Variants in SLC36A2 observed in about 807,000 individuals in gnomAD.
SLC36A2 encodes proton-coupled amino acid transporter 2.
A neutral mutation model predicts 42.7 loss-of-function variants in SLC36A2; 39 were observed. That is an observed-to-expected ratio of 0.91 (90% CI 0.71 to 1.19). The LOEUF (loss-of-function observed/expected upper bound fraction) is 1.19, where lower values mean the gene tolerates loss of function less well. SLC36A2 is among the 50% of genes most tolerant of loss of function. The pLI, the probability that SLC36A2 is intolerant of heterozygous loss-of-function variation, is 0.00. For missense variants in SLC36A2, 590 were observed against 613.7 expected (o/e 0.96, Z 0.41); for synonymous variants, 237 against 240.8 (o/e 0.98, Z 0.15).
intron 4 of SLC36A2, 80 bp downstream of exon 4, chr5:151,342,808 C>G (rs867160437): frequency 4.0e-6 from 5 of 1,241,464 alleles, no homozygotes; most frequent in African/African-American, 3.0e-5. Flanking sequence ...AACCACCTTT[C>G]CAGGGAAGAA....
At chr5:151,335,739 G>T (rs550434531) in intron 5 of SLC36A2, among the ~76,000 whole-genome samples, 192 bp from the exon 6 acceptor site, 1 of 152,124 alleles carries the variant, frequency 6.6e-6, no homozygotes, top group African/African-American at 2.4e-5. Context: ...CTCAGAAGAG[G>T]CTGTACATGC....
intron 1 of SLC36A2, among the ~76,000 whole-genome samples, chr5:151,345,517 C>T (rs1489002891): frequency 6.6e-6 from 1 of 152,132 alleles, no homozygotes; most frequent in African/African-American, 2.4e-5. Context: ...AGTCTCTGTA[C>T]ATAGATTCAT....
At chr5:151,336,350 A>G (rs1003760430) in intron 5 of SLC36A2, among the ~76,000 whole-genome samples, 4 of 151,376 alleles carry the variant, frequency 2.6e-5, no homozygotes, top group Non-Finnish European at 5.9e-5. Context: ...TCTTCCATCT[A>G]TATCCTCCTC....
chr5:151,329,487 A>T (rs1325198738), intron 7 of SLC36A2, among the ~76,000 whole-genome samples: 1 of 152,254 alleles, frequency 6.6e-6, no homozygotes, highest in Non-Finnish European at 1.5e-5. Context: ...AGATGACTCA[A>T]ATGTTGGCAA....
chr5:151,324,306 CTTATTTATTTATTTATTTAT>C (rs58169831), intron 8 of SLC36A2, among the ~76,000 whole-genome samples: 44 of 140,820 alleles, frequency 3.1e-4, no homozygotes, highest in African/African-American at 9.2e-4. Context: ...CCATGCCTGG[CTTATTTATTTATTTATTTAT>C]TTATTTATTT....
intron 7 of SLC36A2, among the ~76,000 whole-genome samples, chr5:151,330,702 G>T (rs1384100833): frequency 1.3e-5 from 2 of 152,174 alleles, no homozygotes; most frequent in African/African-American, 2.4e-5. Flanking sequence ...ACTATTGAAA[G>T]CAAAGATGAT....
At position 151,328,675 on chromosome 5, in the gene SLC36A2, A is replaced by G. The variant is rs143096443; in HGVS notation, c.844-3223T>C. Among the ~76,000 whole-genome samples, 45 of 152,332 alleles carry G rather than the reference A, an allele frequency of 3.0e-4. No individual in the cohort carries two copies. The South Asian group carries it at 3.5e-3, about 12-fold the overall frequency. ...GAAATCCTTATCTCTACACAGAAGT[A>G]CTAGGAAAATTGGCTTTAGGAGTCT... On this transcript the variant is annotated intron_variant, in intron 7 of 9. Transcript: ENST00000335244.
intron 5 of SLC36A2, among the ~76,000 whole-genome samples, chr5:151,338,199 GA>G (rs1756212105): frequency 6.6e-6 from 1 of 152,096 alleles, no homozygotes; most frequent in Non-Finnish European, 1.5e-5. Flanking sequence ...TTACATTTTT[GA>G]ATTTCTGGTA....
intron 3 of SLC36A2, 52 bp downstream of exon 3, chr5:151,343,458 C>T (rs1033145095): frequency 1.2e-5 from 18 of 1,544,702 alleles, no homozygotes; most frequent in Middle Eastern, 1.7e-4. Context: ...TCTGGGCTAT[C>T]CCTGAGAACC....
At chr5:151,322,647 T>C (rs981491552) in intron 8 of SLC36A2, among the ~76,000 whole-genome samples, 1 of 152,218 alleles carries the variant, frequency 6.6e-6, no homozygotes, top group Non-Finnish European at 1.5e-5. Context: ...TTAGGAATTA[T>C]CTGGATTCCC....
intron 4 of SLC36A2, among the ~76,000 whole-genome samples, chr5:151,340,690 G>A (rs2127297718): frequency 6.6e-6 from 1 of 152,326 alleles, no homozygotes; most frequent in South Asian, 2.1e-4. Context: ...CTGCTGAAAG[G>A]TTCTCTAGGG....
At chr5:151,327,585 G>A (rs780319182) in intron 7 of SLC36A2, among the ~76,000 whole-genome samples, 1 of 152,192 alleles carries the variant, frequency 6.6e-6, no homozygotes, top group African/African-American at 2.4e-5. Context: ...TCTCGTTGCA[G>A]CAGGTGCTCA....
chr5:151,337,699 T>G (rs1489641096), intron 5 of SLC36A2, among the ~76,000 whole-genome samples: 1 of 152,158 alleles, frequency 6.6e-6, no homozygotes, highest in African/African-American at 2.4e-5. Flanking sequence ...GCACAAAGAC[T>G]TTTGTGCCAA....
chr5:151,335,137 T>C (rs939945582), intron 6 of SLC36A2, among the ~76,000 whole-genome samples, 192 bp downstream of exon 6: 1 of 152,042 alleles, frequency 6.6e-6, no homozygotes, highest in Non-Finnish European at 1.5e-5. Context: ...AGAAAGAACA[T>C]GAACAAGGAG....
intron 4 of SLC36A2, among the ~76,000 whole-genome samples, chr5:151,340,217 GAGAGGAGGAGGA>G (rs1756297671): frequency 6.9e-6 from 1 of 144,264 alleles, no homozygotes; most frequent in African/African-American, 2.6e-5. Flanking sequence ...GAGGAGGAGG[GAGAGGAGGAGGA>G]AGGGGAGGAG....
chr5:151,342,938 T>C lies in SLC36A2; in HGVS notation c.390A>G (p.Gly130=). 1.2e-6 allele frequency: 2 copies of C among 1,614,132 alleles called. No homozygotes were observed. Among genetic ancestry groups the C allele is most frequent in the Non-Finnish European group, 1.7e-6 (2 of 1,180,006 alleles). The change falls in exon 4 of 10, where the codon GGA becomes GGG. Residue 130 remains glycine (G), a synonymous_variant. Transcript: ENST00000335244. ...GCCAGGCGTTGGGGTTGGCTTCTAG[T>C]CCATGCATCACCGTGTCCCCATAGT... ...FMDYGDTVMH[G]LEANPNAWLQ...
Position 151,322,141 on chromosome 5 carries a change from G to C in SLC36A2, c.1085C>G (p.Ala362Gly). 1 of 1,614,176 alleles carries C rather than the reference G, an allele frequency of 6.2e-7. No homozygotes were observed. Among genetic ancestry groups the C allele is most frequent in the Non-Finnish European group, 8.5e-7 (1 of 1,180,026 alleles). Residue 362 changes from alanine (A) to glycine (G), a missense_variant, in exon 9 of 10, where the codon GCA (alanine) becomes GGA (glycine). Physicochemically the swap from Ala to Gly is moderately conservative, Grantham distance 60. Transcript: ENST00000335244. ...GATGGCAAAGGGGATGATGATTTCT[G>C]CAGGGACGTAGAACTGCAGGGCATA... ...CTYALQFYVP[A>G]EIIIPFAISR...
chr5:151,326,972 C>T (rs1755870571), intron 7 of SLC36A2, among the ~76,000 whole-genome samples: 1 of 151,996 alleles, frequency 6.6e-6, no homozygotes, highest in South Asian at 2.1e-4. Flanking sequence ...GCTGCCATGC[C>T]CGGCTGATTT....
rs142064214 is a variant in SLC36A2, at chr5:151,335,826, C to T, written c.526-279G>A. On this transcript the variant is annotated intron_variant, in intron 5 of 9. Coordinates refer to ENST00000335244, the MANE Select transcript of SLC36A2 (RefSeq NM_181776.3). The stretch of plus-strand genomic sequence containing the variant: ...GGTGGATCATTTGAGGTCAGAAGTT[C>T]GAGACCAGCCTGGCCAACATCGTGA... 5.9e-3 allele frequency among the ~76,000 whole-genome samples: 892 copies of T among 152,068 alleles called. 10 individuals carry two copies. The highest frequency in any genetic ancestry group is 0.021 in the African/African-American group (855 of 41,500).
Sources: gnomAD v4.1 joint callset for allele counts (sites outside exome capture counted in the v4.1 genomes callset) on GRCh38, gnomAD v4.1.1 for gene constraint, MANE v1.5 for transcripts, NCBI Gene and HGNC (gene_info 2026-07-23, HGNC 2026-07-21) for gene names.